CADPS2: variants seen among roughly 807,000 people sequenced by gnomAD.
CADPS2 encodes the protein calcium-dependent secretion activator 2.
CADPS2 carries 93 observed loss-of-function variants against 172.5 expected under a neutral mutation model. The ratio of observed to expected loss-of-function variants is 0.54; its 90% CI spans 0.46 to 0.64. CADPS2 has a LOEUF of 0.64. CADPS2 is among the 30% of genes least tolerant of loss of function. The pLI, the probability that CADPS2 is intolerant of heterozygous loss-of-function variation, is 0.00. For synonymous variants in CADPS2, 546 were observed against 555.2 expected (o/e 0.98, Z 0.23); for missense variants, 1,420 against 1,565.9 (o/e 0.91, Z 1.57).
intron 9 of CADPS2, among the ~76,000 whole-genome samples, chr7:122,497,607 C>A (rs1233857660): frequency 1.3e-5 from 2 of 152,064 alleles, no homozygotes; most frequent in Admixed American, 6.6e-5. Flanking sequence ...AGTATATTAG[C>A]ATTTAGTAAT....
intron 1 of CADPS2, among the ~76,000 whole-genome samples, chr7:122,859,132 T>C (rs1187352135): frequency 2.0e-5 from 3 of 152,244 alleles, no homozygotes; most frequent in South Asian, 2.1e-4. Flanking sequence ...TCTTGGTTTC[T>C]TGTTTTGCTC....
At chr7:122,584,336 C>T (rs2069314622) in intron 6 of CADPS2, among the ~76,000 whole-genome samples, 1 of 151,840 alleles carries the variant, frequency 6.6e-6, no homozygotes, top group African/African-American at 2.4e-5. Flanking sequence ...TTTTGATAAG[C>T]ACTAAGTTTT....
chr7:122,665,967 AAT>A (rs1208240194), intron 2 of CADPS2, among the ~76,000 whole-genome samples: 2 of 152,220 alleles, frequency 1.3e-5, no homozygotes, highest in African/African-American at 4.8e-5. Flanking sequence ...GATGTTTAAC[AAT>A]ATGTTTTGTC....
chr7:122,723,013 T>C (rs181657371), intron 2 of CADPS2, among the ~76,000 whole-genome samples: 112 of 152,174 alleles, frequency 7.4e-4, no homozygotes, highest in African/African-American at 2.6e-3. Flanking sequence ...TCCTTACACC[T>C]TATACAAAAA....
chr7:122,794,622 G>T (rs1369555911), intron 1 of CADPS2, among the ~76,000 whole-genome samples: 1 of 151,858 alleles, frequency 6.6e-6, no homozygotes, highest in African/African-American at 2.4e-5. Flanking sequence ...GGACCTGATA[G>T]ATAGCTACAG....
At chr7:122,364,601 C>T (rs1255059171) in intron 25 of CADPS2, among the ~76,000 whole-genome samples, 1 of 151,550 alleles carries the variant, frequency 6.6e-6, no homozygotes, top group African/African-American at 2.4e-5. Flanking sequence ...GTGGCAGGTG[C>T]CTATAGTCTC....
intron 20 of CADPS2, among the ~76,000 whole-genome samples, chr7:122,399,223 C>T (rs1361367520): frequency 6.6e-6 from 1 of 152,122 alleles, no homozygotes; most frequent in African/African-American, 2.4e-5. Context: ...CATAGAATGG[C>T]ACACATAATT....
At chr7:122,788,851 T>TTTGGG (rs1794650579) in intron 1 of CADPS2, among the ~76,000 whole-genome samples, 1 of 152,168 alleles carries the variant, frequency 6.6e-6, no homozygotes, top group South Asian at 2.1e-4. Context: ...GAACTTGTCC[T>TTTGGG]CCTCAGGGCT....
At chr7:122,491,188 G>T in intron 10 of CADPS2, 124 bp downstream of exon 10, 1 of 509,858 alleles carries the variant, frequency 2.0e-6, no homozygotes. Flanking sequence ...TCTTGCCCAG[G>T]TATATAAGTG....
chr7:122,672,797 T>C (rs2081993709), intron 2 of CADPS2, among the ~76,000 whole-genome samples: 1 of 152,234 alleles, frequency 6.6e-6, no homozygotes, highest in African/African-American at 2.4e-5. Context: ...GTGTGGCGTT[T>C]AGTAACCTCA....
At chr7:122,812,820 A>C (rs1800353461) in intron 1 of CADPS2, among the ~76,000 whole-genome samples, 1 of 152,130 alleles carries the variant, frequency 6.6e-6, no homozygotes, top group Non-Finnish European at 1.5e-5. Context: ...GATAAAACCT[A>C]GTTCTATTAC....
intron 3 of CADPS2, among the ~76,000 whole-genome samples, chr7:122,642,683 A>G (rs1026814618): frequency 2.0e-5 from 3 of 152,094 alleles, no homozygotes; most frequent in African/African-American, 7.2e-5. Context: ...TTTTCACAGT[A>G]CTGTTTAGCA....
chr7:122,728,076 A>G (rs1040431898), intron 2 of CADPS2, among the ~76,000 whole-genome samples: 11 of 151,962 alleles, frequency 7.2e-5, no homozygotes, highest in Non-Finnish European at 1.6e-4. Flanking sequence ...GCATTATTGC[A>G]AAGTTTAAAA....
intron 6 of CADPS2, among the ~76,000 whole-genome samples, chr7:122,602,802 T>C (rs1000097129): frequency 1.2e-4 from 19 of 152,242 alleles, no homozygotes; most frequent in African/African-American, 4.3e-4. Context: ...TCTGAAAGAA[T>C]AGCAATAATA....
intron 27 of CADPS2, among the ~76,000 whole-genome samples, 156 bp downstream of exon 27, chr7:122,360,632 A>G (rs1441628452): frequency 6.6e-6 from 1 of 152,092 alleles, no homozygotes; most frequent in East Asian, 1.9e-4. Flanking sequence ...TAACCTTGCT[A>G]TGTCTTGTTA....
intron 9 of CADPS2, among the ~76,000 whole-genome samples, chr7:122,493,510 GA>G (rs2058477280): frequency 6.6e-6 from 1 of 152,096 alleles, no homozygotes; most frequent in African/African-American, 2.4e-5. Flanking sequence ...TTAACACAAA[GA>G]TAACATTTCA....
At chr7:122,651,843 T>C (rs1224218967) in intron 3 of CADPS2, among the ~76,000 whole-genome samples, 1 of 152,108 alleles carries the variant, frequency 6.6e-6, no homozygotes, top group African/African-American at 2.4e-5. Flanking sequence ...TAAAGGAAAA[T>C]TATAGGAGTA....
intron 3 of CADPS2, among the ~76,000 whole-genome samples, chr7:122,650,208 C>T (rs2079014258): frequency 6.6e-6 from 1 of 150,908 alleles, no homozygotes; most frequent in East Asian, 1.9e-4. Context: ...CTACGCCCGG[C>T]CAATGAACAT....
chr7:122,371,269 A>G (rs1253800662), intron 25 of CADPS2, among the ~76,000 whole-genome samples: 1 of 152,234 alleles, frequency 6.6e-6, no homozygotes, highest in East Asian at 1.9e-4. Flanking sequence ...ACTGCTATGA[A>G]GAAACACCCA....
Sources: allele counts gnomAD v4.1 joint callset (sites outside exome capture counted in the v4.1 genomes callset), GRCh38; gene constraint gnomAD v4.1.1; transcripts MANE v1.5; gene names NCBI Gene and HGNC (gene_info 2026-07-23, HGNC 2026-07-21).